NIPBL: variants seen among roughly 807,000 people sequenced by gnomAD.
NIPBL encodes the protein nipped-B-like protein.
Under a neutral mutation model 321.8 loss-of-function variants are expected in NIPBL, and 19 were observed. The ratio of observed to expected loss-of-function variants is 0.06; its 90% CI spans 0.04 to 0.09. NIPBL has a LOEUF of 0.09. NIPBL is among the 10% of genes least tolerant of loss of function. The probability of loss-of-function intolerance (pLI) is 1.00; values close to 1 mark genes in which losing one functional copy is unlikely to be tolerated. For synonymous variants in NIPBL, 1,106 were observed against 1,114.1 expected (o/e 0.99, Z 0.14); for missense variants, 2,210 against 3,327.0 (o/e 0.66, Z 8.26).
At position 36,955,525 on chromosome 5, in the gene NIPBL, C is replaced by T; in HGVS notation, c.118C>T (p.Leu40Phe). The change falls in exon 3 of 47, where the codon CTT (leucine) becomes TTT (phenylalanine). Residue 40 changes from leucine to phenylalanine, a missense_variant. Around this residue, in one of 14 missense-constraint regions of NIPBL, gnomAD observed 28 missense variants for 65.5 expected, o/e 0.43. Coordinates refer to ENST00000282516, the MANE Select transcript of NIPBL (RefSeq NM_133433.4). ...SPLPATTTKS[L>F]LFNARIAEEV... ...TTTACCTGCTACAACTACAAAGAGC[C>T]TTCTCTTTAATGCACGAATAGCAGA... 1.9e-6 allele frequency: 3 copies of T among 1,613,720 alleles called. No individual in the cohort carries two copies. Among genetic ancestry groups the T allele is most frequent in the Non-Finnish European group, 2.5e-6 (3 of 1,179,660 alleles).
intron 24 of NIPBL, among the ~76,000 whole-genome samples, chr5:37,018,456 A>G (rs1199791460): frequency 2.0e-5 from 3 of 152,124 alleles, no homozygotes; most frequent in African/African-American, 7.2e-5. Context: ...TCATAATTTG[A>G]GGGCTTTCTA....
intron 1 of NIPBL, among the ~76,000 whole-genome samples, chr5:36,915,681 T>G (rs1042834172): frequency 6.6e-6 from 1 of 152,204 alleles, no homozygotes; most frequent in African/African-American, 2.4e-5. Flanking sequence ...CTTAGTAGTT[T>G]TAACTTTTGT....
rs993478910 is a variant in NIPBL at position 37,014,845 on chromosome 5, A to C, written c.4643+80A>C. The C allele has an allele frequency of 1.8e-5, 15 of 843,874 alleles. No individual in the cohort carries two copies. In the African/African-American group the frequency reaches 2.5e-4, roughly 14 times the overall value. The allele number at this position is 843,874 out of a possible 1,614,324, so 52.3% of individuals were successfully genotyped here. A position where few individuals can be genotyped will look rare whatever the true frequency, so the allele number is the denominator to read the frequency against. On this transcript the variant is annotated intron_variant, in intron 22 of 46. Transcript: ENST00000282516. ...TCATTTTTTTAAAAAGATGAATCCAATTTCCTGCCATAATCTGAACCTTGA... is the reference window on the plus strand; with the variant it reads ...TCATTTTTTTAAAAAGATGAATCCACTTTCCTGCCATAATCTGAACCTTGA...
At chr5:37,024,281 A>G (rs181807395) in intron 29 of NIPBL, among the ~76,000 whole-genome samples, 1 of 152,140 alleles carries the variant, frequency 6.6e-6, no homozygotes, top group Non-Finnish European at 1.5e-5. Flanking sequence ...TAAGTGCCAG[A>G]CACTATTCTA....
intron 8 of NIPBL, among the ~76,000 whole-genome samples, chr5:36,974,729 T>G (rs957231193): frequency 6.6e-6 from 1 of 152,110 alleles, no homozygotes; most frequent in African/African-American, 2.4e-5. Flanking sequence ...TTAAAATACA[T>G]TAACCTTGCT....
At chr5:36,988,453 C>T (rs996215532) in intron 10 of NIPBL, among the ~76,000 whole-genome samples, 1 of 151,634 alleles carries the variant, frequency 6.6e-6, no homozygotes, top group African/African-American at 2.4e-5. Flanking sequence ...TTCAGGATGC[C>T]GTGTAGCTAT....
intron 1 of NIPBL, among the ~76,000 whole-genome samples, chr5:36,912,651 G>A (rs1264751661): frequency 6.6e-6 from 1 of 151,858 alleles, no homozygotes; most frequent in Non-Finnish European, 1.5e-5. Flanking sequence ...ACAGGCATGT[G>A]CCACCACTCC....
chr5:37,040,618 A>G (rs564494266), intron 34 of NIPBL, among the ~76,000 whole-genome samples: 1 of 152,332 alleles, frequency 6.6e-6, no homozygotes, highest in Non-Finnish European at 1.5e-5. Context: ...AGGTGTTTAC[A>G]TATTTCCTTT....
chr5:36,984,766 G>A lies in NIPBL; in HGVS notation c.1586G>A (p.Gly529Asp), dbSNP rs1369692706. The A allele has an allele frequency of 1.9e-6, 3 of 1,613,660 alleles. No homozygotes were observed. Among genetic ancestry groups the A allele is most frequent in the African/African-American group, 1.3e-5 (1 of 74,862 alleles). Reference sequence around the variant, plus strand: ...AATAGACCAGCTTCTCAGGAGACGGGTTCTACGGGAAATGGGTCAAGGCCA... The same window carrying A: ...AATAGACCAGCTTCTCAGGAGACGGATTCTACGGGAAATGGGTCAAGGCCA... ...GGNRPASQET[G>D]STGNGSRPAL... Residue 529 changes from glycine (G) to aspartate (D), a missense_variant, in exon 10 of 47, where the codon GGT (glycine) becomes GAT (aspartate). By Grantham distance (94) the Gly-to-Asp change is moderately conservative (BLOSUM62 -1). Transcript: ENST00000282516.
At chr5:36,932,979 G>A (rs1215181859) in intron 1 of NIPBL, among the ~76,000 whole-genome samples, 1 of 151,554 alleles carries the variant, frequency 6.6e-6, no homozygotes, top group Non-Finnish European at 1.5e-5. Context: ...GTACGCTACT[G>A]CATGCAGCTC....
chr5:37,000,939 C>T (rs1746724574), intron 13 of NIPBL, 50 bp from the exon 14 acceptor site: 1 of 1,582,756 alleles, frequency 6.3e-7, no homozygotes, highest in African/African-American at 1.3e-5. Context: ...TTCAGCTTCA[C>T]ATGTCTACTT....
chr5:36,958,339 T>C, intron 4 of NIPBL, 108 bp downstream of exon 4: 1 of 1,051,406 alleles, frequency 9.5e-7, no homozygotes, highest in Non-Finnish European at 1.5e-6. Flanking sequence ...TGTTTATGCC[T>C]TCAGTCAAGC....
At chr5:37,041,251 G>GGTTT (rs1561200054) in intron 34 of NIPBL, among the ~76,000 whole-genome samples, 19 of 93,684 alleles carry the variant, frequency 2.0e-4, no homozygotes, top group Non-Finnish European at 3.5e-4. Context: ...GTTATGTGGT[G>GGTTT]GTTTTTTTTT....
At position 37,064,971 on chromosome 5, in the gene NIPBL, A is replaced by C; in HGVS notation, c.*79A>C. On this transcript the variant is annotated 3_prime_UTR_variant, in exon 47 of 47. Transcript: ENST00000282516. ...CTTGAAATACCAACATTCTGGCAAA[A>C]AAAAATCAGTTTTATGAAGAGTAAG... 6.4e-7 allele frequency: 1 copy of C among 1,572,876 alleles called. No individual in the cohort carries two copies. The highest frequency in any genetic ancestry group is 1.1e-5 in the South Asian group (1 of 89,408).
At chr5:36,953,817 A>T (rs1213706653) in intron 2 of NIPBL, 57 bp downstream of exon 2, 1 of 1,370,944 alleles carries the variant, frequency 7.3e-7, no homozygotes, top group Non-Finnish European at 1.0e-6. Flanking sequence ...AATAATTTTT[A>T]CAGTGACTGT....
At position 37,008,013 on chromosome 5, in the gene NIPBL, A is replaced by C. The variant is rs138440449; in HGVS notation, c.4245A>C (p.Ser1415=). The C allele has an allele frequency of 4.0e-4, 645 of 1,600,804 alleles. 2 individuals carry two copies. The African/African-American group carries it at 7.8e-3, about 19-fold the overall frequency. Residue 1415 remains serine (S), a synonymous_variant, in exon 19 of 47, where the codon TCA becomes TCC. Coordinates refer to ENST00000282516, the MANE Select transcript of NIPBL (RefSeq NM_133433.4). ...LLTDTTILQV[S]SMGITPFFVE... is the part of the protein sequence containing the mutation. ...TACTCTTCTTTTTTAAACAGGTTTC[A>C]TCTATGGGAATAACACCATTTTTTG...
intron 4 of NIPBL, among the ~76,000 whole-genome samples, chr5:36,961,137 T>C (rs1175593463): frequency 6.6e-6 from 1 of 152,112 alleles, no homozygotes; most frequent in African/African-American, 2.4e-5. Flanking sequence ...CTGAGTCCCG[T>C]TGTAGAAGGA....
intron 21 of NIPBL, 42 bp from the exon 22 acceptor site, chr5:37,014,641 T>C (rs1185223960): frequency 1.4e-5 from 17 of 1,179,268 alleles, no homozygotes; most frequent in African/African-American, 1.2e-4. Flanking sequence ...GGCTAACTTA[T>C]TATTTCTTGT....
In NIPBL at chr5:37,055,910, T is replaced by C. The variant is rs115748508; in HGVS notation, c.7264-1276T>C. On this transcript the variant is annotated intron_variant, in intron 42 of 46. Transcript: ENST00000282516. ...CCTATACTCCTAGCTACCTAGCTAC[T>C]GAAGAGACCAAGGCAAAGGGATTGC... 3.2e-3 allele frequency among the ~76,000 whole-genome samples: 487 copies of C among 152,090 alleles called. 5 individuals are homozygous for C. Among genetic ancestry groups the C allele is most frequent in the African/African-American group, 0.011 (473 of 41,502 alleles).
Sources: gnomAD v4.1 joint callset for allele counts (sites outside exome capture counted in the v4.1 genomes callset) on GRCh38, gnomAD v4.1.1 for gene constraint, gnomAD v4.1.1 regional missense constraint, MANE v1.5 for transcripts, NCBI Gene and HGNC (gene_info 2026-07-23, HGNC 2026-07-21) for gene names.